Variants in MYO3A observed in about 807,000 individuals in gnomAD.
The protein encoded by MYO3A is myosin IIIA.
MYO3A carries 180 observed loss-of-function variants against 192.7 expected under a neutral mutation model. That is an observed-to-expected ratio of 0.93 (90% CI 0.83 to 1.06). The LOEUF (loss-of-function observed/expected upper bound fraction) is 1.06. MYO3A is among the 50% of genes least tolerant of loss of function. The probability of loss-of-function intolerance (pLI) is 0.00; values close to 1 mark genes in which losing one functional copy is unlikely to be tolerated. For synonymous variants in MYO3A, 628 were observed against 645.3 expected, an observed-to-expected ratio of 0.97 and a Z score of 0.41; for missense variants, 1,896 against 1,905.0, an observed-to-expected ratio of 1.00 and a Z score of 0.09.
intron 10 of MYO3A, among the ~76,000 whole-genome samples, chr10:26,049,745 C>G (rs1843875856): frequency 1.5e-5 from 2 of 135,892 alleles, no homozygotes; most frequent in South Asian, 2.5e-4. Context: ...GTGGCGCAAT[C>G]TCAGCTCACT....
intron 2 of MYO3A, among the ~76,000 whole-genome samples, chr10:25,948,019 G>A (rs950656958): frequency 6.6e-6 from 1 of 152,118 alleles, no homozygotes; most frequent in Non-Finnish European, 1.5e-5. Context: ...AGGCAAGATG[G>A]GATGCAGGAA....
intron 10 of MYO3A, among the ~76,000 whole-genome samples, chr10:26,029,600 A>G (rs1408193532): frequency 4.6e-5 from 7 of 152,078 alleles, no homozygotes; most frequent in African/African-American, 1.4e-4. Flanking sequence ...GTTTTCATTT[A>G]TATAATTTCT....
intron 10 of MYO3A, among the ~76,000 whole-genome samples, chr10:26,030,700 A>T (rs141458874): frequency 1.6e-4 from 24 of 152,340 alleles, no homozygotes; most frequent in African/African-American, 5.8e-4. Flanking sequence ...ACATGATGTC[A>T]TCCTTTAGAA....
At chr10:26,125,246 A>C in intron 18 of MYO3A, 152 bp from the exon 19 acceptor site, 1 of 757,990 alleles carries the variant, frequency 1.3e-6, no homozygotes, top group South Asian at 1.5e-5. Context: ...GAGACATAGG[A>C]CTCATGTTGG....
At chr10:26,153,823 A>G (rs1267061173) in intron 23 of MYO3A, 27 bp from the exon 24 acceptor site, 2 of 1,387,848 alleles carry the variant, frequency 1.4e-6, no homozygotes, top group African/African-American at 1.4e-5. Context: ...TCTAAAAGGT[A>G]TATTACATTT....
rs538834605 is a variant in MYO3A, at chr10:26,204,915, T to C, written c.4730+1808T>C. On this transcript the variant is annotated intron_variant, in intron 34 of 34. Coordinates refer to ENST00000642920, the MANE Select transcript of MYO3A (RefSeq NM_017433.5). ...CAGAGACAAAACAGCCTTGACAGTA[T>C]CCTGAATTTAAAATAGAAAACAAAA... 6.6e-5 allele frequency among the ~76,000 whole-genome samples: 10 copies of C among 152,228 alleles called. No homozygotes were observed. In the South Asian group the frequency reaches 2.1e-3, roughly 32 times the overall value.
At chr10:26,172,482 G>A (rs939481308) in intron 29 of MYO3A, among the ~76,000 whole-genome samples, 8 of 152,250 alleles carry the variant, frequency 5.3e-5, no homozygotes, top group Non-Finnish European at 1.0e-4. Context: ...TGTAACTGAT[G>A]TGGGAATTTC....
At chr10:26,168,992 A>G in intron 28 of MYO3A, 118 bp downstream of exon 28, 1 of 970,830 alleles carries the variant, frequency 1.0e-6, no homozygotes, top group Non-Finnish European at 1.5e-6. Flanking sequence ...TGTTGCCTTG[A>G]TACTTTTGCT....
At chr10:26,041,672 C>T (rs1485096737) in intron 10 of MYO3A, among the ~76,000 whole-genome samples, 1 of 149,440 alleles carries the variant, frequency 6.7e-6, no homozygotes, top group Non-Finnish European at 1.5e-5. Context: ...AACAACTTAA[C>T]AATGTTTGCA....
chr10:26,038,511 A>G (rs961854110), intron 10 of MYO3A, among the ~76,000 whole-genome samples: 1 of 152,158 alleles, frequency 6.6e-6, no homozygotes, highest in Non-Finnish European at 1.5e-5. Flanking sequence ...TGTTGTTGGC[A>G]TATAGAAATG....
intron 3 of MYO3A, 145 bp downstream of exon 3, chr10:25,952,423 C>T (rs560028790): frequency 2.0e-6 from 2 of 1,022,194 alleles, no homozygotes; most frequent in Non-Finnish European, 1.4e-6. Flanking sequence ...GAGAAGTCTA[C>T]TTATTTGCTT....
At chr10:25,954,349 G>A (rs945202136) in intron 3 of MYO3A, among the ~76,000 whole-genome samples, 2 of 152,032 alleles carry the variant, frequency 1.3e-5, no homozygotes, top group Non-Finnish European at 2.9e-5. Context: ...TTGGTGAATG[G>A]ACCTTTAGAT....
intron 20 of MYO3A, among the ~76,000 whole-genome samples, chr10:26,139,696 C>T (rs1009309780): frequency 2.6e-5 from 4 of 151,890 alleles, no homozygotes; most frequent in East Asian, 1.9e-4. Flanking sequence ...TGAGGTCAGG[C>T]GTTTGAGACC....
intron 21 of MYO3A, among the ~76,000 whole-genome samples, chr10:26,144,780 G>C (rs907570502): frequency 6.6e-6 from 1 of 152,070 alleles, no homozygotes; most frequent in Non-Finnish European, 1.5e-5. Context: ...CCCTGCCCAG[G>C]AACATCAGCA....
chr10:26,039,252 G>A (rs1057427115), intron 10 of MYO3A, among the ~76,000 whole-genome samples: 4 of 142,944 alleles, frequency 2.8e-5, no homozygotes, highest in Non-Finnish European at 6.0e-5. Context: ...TAGAGACAGG[G>A]TTTCTCCATG....
intron 17 of MYO3A, among the ~76,000 whole-genome samples, chr10:26,110,746 T>G (rs977022963): frequency 6.6e-5 from 10 of 152,184 alleles, no homozygotes; most frequent in African/African-American, 2.4e-4. Context: ...CATCCTATCA[T>G]GCTGAAATTT....
In MYO3A at chr10:26,088,497, T is replaced by G. The variant is rs994941683; in HGVS notation, c.1562+92T>G. ...AATGTCTTTCTCATTCAATAAAATT[T>G]TATTTATCACTTACTATATGCAAAG... On this transcript the variant is annotated intron_variant, in intron 15 of 34. Transcript: ENST00000642920. 7 of 1,255,246 alleles carry G rather than the reference T, an allele frequency of 5.6e-6. No homozygotes were observed. The African/African-American group carries it at 9.0e-5, about 16-fold the overall frequency. The allele number at this position is 1,255,246 out of a possible 1,614,324, so 77.8% of individuals were successfully genotyped here. A position where few individuals can be genotyped will look rare whatever the true frequency, so the allele number is the denominator to read the frequency against.
At chr10:26,046,522 A>T (rs1443088504) in intron 10 of MYO3A, among the ~76,000 whole-genome samples, 5 of 152,190 alleles carry the variant, frequency 3.3e-5, no homozygotes, top group Admixed American at 3.3e-4. Context: ...CGGAACATTA[A>T]TGGTGCCTCC....
chr10:26,096,245 A>G, intron 15 of MYO3A, 136 bp from the exon 16 acceptor site: 1 of 669,416 alleles, frequency 1.5e-6, no homozygotes, highest in African/African-American at 1.8e-5. Flanking sequence ...AATAATGACC[A>G]CAGAAAGCCA....
Sources: gnomAD v4.1 joint callset for allele counts (sites outside exome capture counted in the v4.1 genomes callset) on GRCh38, gnomAD v4.1.1 for gene constraint, MANE v1.5 for transcripts, NCBI Gene and HGNC (gene_info 2026-07-23, HGNC 2026-07-21) for gene names.